KCNH8: variants seen among roughly 807,000 people sequenced by gnomAD.
KCNH8 encodes potassium voltage-gated channel subfamily H member 8.
A neutral mutation model predicts 103.6 loss-of-function variants in KCNH8; 70 were observed. That is an observed-to-expected ratio of 0.68 (90% CI 0.56 to 0.82). KCNH8 has a LOEUF of 0.82. Ranked by LOEUF, KCNH8 falls within the 40% of genes least tolerant of loss-of-function variation. The pLI, the probability that KCNH8 is intolerant of heterozygous loss-of-function variation, is 0.00. For missense variants in KCNH8, 1,217 were observed against 1,329.9 expected (o/e 0.92, Z 1.32); for synonymous variants, 498 against 489.4 (o/e 1.02, Z -0.23).
At chr3:19,387,398 C>T (rs2066371678) in intron 5 of KCNH8, among the ~76,000 whole-genome samples, 1 of 152,132 alleles carries the variant, frequency 6.6e-6, no homozygotes, top group African/African-American at 2.4e-5. Flanking sequence ...GTCTGTATGA[C>T]TTCAAACACT....
At chr3:19,411,318 T>C (rs1403976715) in intron 7 of KCNH8, among the ~76,000 whole-genome samples, 1 of 152,000 alleles carries the variant, frequency 6.6e-6, no homozygotes, top group Non-Finnish European at 1.5e-5. Context: ...TCAAACATCC[T>C]TTTGTTACAA....
rs78228612 is a variant in KCNH8, at chr3:19,303,915, G to A, written c.442+22586G>A. Among the ~76,000 whole-genome samples the A allele has an allele frequency of 7.2e-5, 11 of 152,224 alleles. 1 individual carries two copies. The East Asian group carries it at 1.9e-3, about 27-fold the overall frequency. On this transcript the variant is annotated intron_variant, in intron 3 of 15. Transcript: ENST00000328405. ...GGGAAATAGACCCTTGATTTTGAGG[G>A]TGGATACAGGGGGACCACAGACTAT...
At chr3:19,464,560 A>G (rs1301289546) in intron 11 of KCNH8, among the ~76,000 whole-genome samples, 1 of 152,200 alleles carries the variant, frequency 6.6e-6, no homozygotes, top group Non-Finnish European at 1.5e-5. Context: ...TTTATTCATC[A>G]AAAGACAGCA....
intron 3 of KCNH8, among the ~76,000 whole-genome samples, chr3:19,294,362 C>T (rs951380485): frequency 2.6e-5 from 4 of 152,100 alleles, no homozygotes; most frequent in African/African-American, 9.7e-5. Flanking sequence ...AGTAATGTTC[C>T]TTTCACTTGC....
intron 1 of KCNH8, among the ~76,000 whole-genome samples, chr3:19,189,896 A>T (rs1265760296): frequency 9.2e-5 from 14 of 151,682 alleles, no homozygotes; most frequent in Non-Finnish European, 1.6e-4. Context: ...CGCTACTTAG[A>T]TAGATTCATT....
In KCNH8 at chr3:19,493,188, G is replaced by A. The variant is rs188020599; in HGVS notation, c.2041-17175G>A. 3.0e-3 allele frequency among the ~76,000 whole-genome samples: 461 copies of A among 152,196 alleles called. 1 individual carries two copies. Among genetic ancestry groups the A allele is most frequent in the African/African-American group, 0.01 (436 of 41,532 alleles). ...ACAAAGAGAGACAGTTTGGCCTCTT[G>A]TCTTCCTATTTGGATGCCTTTTGTT... On this transcript the variant is annotated intron_variant, in intron 11 of 15. Coordinates refer to ENST00000328405, the MANE Select transcript of KCNH8 (RefSeq NM_144633.3).
At chr3:19,331,015 G>T (rs1270241274) in intron 3 of KCNH8, among the ~76,000 whole-genome samples, 2 of 151,990 alleles carry the variant, frequency 1.3e-5, no homozygotes, top group Non-Finnish European at 2.9e-5. Flanking sequence ...TCCAACCAAT[G>T]ATACCAAATA....
chr3:19,175,514 T>C (rs2125197291), intron 1 of KCNH8, among the ~76,000 whole-genome samples: 1 of 152,324 alleles, frequency 6.6e-6, no homozygotes, highest in East Asian at 1.9e-4. Flanking sequence ...CGGCCAACTG[T>C]TTTGTAATTT....
At chr3:19,302,863 G>A (rs1210980498) in intron 3 of KCNH8, among the ~76,000 whole-genome samples, 3 of 152,110 alleles carry the variant, frequency 2.0e-5, no homozygotes, top group African/African-American at 7.2e-5. Flanking sequence ...GCTTTTAAGT[G>A]TCTCCATTTT....
At chr3:19,363,652 G>A (rs184509099) in intron 5 of KCNH8, among the ~76,000 whole-genome samples, 1 of 151,884 alleles carries the variant, frequency 6.6e-6, no homozygotes, top group East Asian at 1.9e-4. Context: ...TAGTGCTCTT[G>A]TACCATTGAA....
At chr3:19,323,194 A>T (rs1417657512) in intron 3 of KCNH8, among the ~76,000 whole-genome samples, 1 of 152,140 alleles carries the variant, frequency 6.6e-6, no homozygotes, top group African/African-American at 2.4e-5. Context: ...TCACGCCTGT[A>T]ATCCCGGCAC....
At chr3:19,350,658 T>A (rs190724163) in intron 5 of KCNH8, among the ~76,000 whole-genome samples, 1 of 152,138 alleles carries the variant, frequency 6.6e-6, no homozygotes, top group African/African-American at 2.4e-5. Flanking sequence ...GACCTGCAGC[T>A]GAGGGTCCTG....
chr3:19,227,567 CAT>C (rs1361401477), intron 1 of KCNH8, among the ~76,000 whole-genome samples: 6 of 152,276 alleles, frequency 3.9e-5, no homozygotes, highest in Admixed American at 3.9e-4. Flanking sequence ...CAGAGGGACA[CAT>C]AGGTTACAAA....
At chr3:19,273,111 G>A (rs111586486) in intron 2 of KCNH8, among the ~76,000 whole-genome samples, 174 of 152,182 alleles carry the variant, frequency 1.1e-3, no homozygotes, top group African/African-American at 4.0e-3. Flanking sequence ...TAACAATGTT[G>A]AGTTCATACA....
intron 5 of KCNH8, among the ~76,000 whole-genome samples, chr3:19,387,916 TA>T (rs1357801074): frequency 6.6e-6 from 1 of 151,924 alleles, no homozygotes; most frequent in African/African-American, 2.4e-5. Context: ...TCTAATGACT[TA>T]CCCAAGAAAA....
intron 11 of KCNH8, among the ~76,000 whole-genome samples, chr3:19,463,308 T>G (rs1236351369): frequency 2.0e-5 from 3 of 152,006 alleles, no homozygotes; most frequent in Non-Finnish European, 4.4e-5. Flanking sequence ...AACACAAATA[T>G]AAATAAACAT....
intron 11 of KCNH8, among the ~76,000 whole-genome samples, chr3:19,465,924 CTTTAT>C (rs922697325): frequency 8.6e-5 from 13 of 151,968 alleles, no homozygotes; most frequent in African/African-American, 2.2e-4. Context: ...GAAGTTGCTT[CTTTAT>C]TTTATTTTAT....
chr3:19,289,762 T>C (rs945696226), intron 3 of KCNH8, among the ~76,000 whole-genome samples: 1 of 152,082 alleles, frequency 6.6e-6, no homozygotes, highest in African/African-American at 2.4e-5. Flanking sequence ...TTTTAAAGTA[T>C]TTTTTTCCAA....
chr3:19,500,186 CAAAG>C (rs1236932619), intron 11 of KCNH8, among the ~76,000 whole-genome samples: 6 of 152,134 alleles, frequency 3.9e-5, no homozygotes, highest in East Asian at 1.9e-4. Context: ...TCAAAAGAGA[CAAAG>C]AACGCCATTA....
Sources: allele counts gnomAD v4.1 joint callset (sites outside exome capture counted in the v4.1 genomes callset), GRCh38; gene constraint gnomAD v4.1.1; transcripts MANE v1.5; gene names NCBI Gene and HGNC (gene_info 2026-07-23, HGNC 2026-07-21).